Variants in DRC8 observed in about 807,000 individuals in gnomAD.
DRC8 encodes dynein regulatory complex subunit 8.
chr1:245,096,915 A>G, the DRC8 span, among the ~76,000 whole-genome samples: 2 of 152,244 alleles, frequency 1.3e-5, no homozygotes, highest in Non-Finnish European at 2.9e-5. Context: ...GACAGAAATC[A>G]TAGCTACCTT....
At chr1:245,058,299 A>C in the DRC8 span, among the ~76,000 whole-genome samples, 1 of 152,100 alleles carries the variant, frequency 6.6e-6, no homozygotes, top group Non-Finnish European at 1.5e-5. Context: ...AAACAAGAAA[A>C]TGGGAAAAAA....
At chr1:244,999,443 A>C in the DRC8 span, among the ~76,000 whole-genome samples, 8 of 152,040 alleles carry the variant, frequency 5.3e-5, no homozygotes, top group Non-Finnish European at 1.0e-4. Context: ...TAATTTTTCC[A>C]TTTATATTCA....
chr1:244,974,194 T>C, the DRC8 span, among the ~76,000 whole-genome samples: 2 of 152,230 alleles, frequency 1.3e-5, no homozygotes, highest in East Asian at 3.8e-4. Flanking sequence ...GGAGAGTCAA[T>C]GCAATTGTTG....
At chr1:245,022,053 A>G in the DRC8 span, among the ~76,000 whole-genome samples, 2 of 152,290 alleles carry the variant, frequency 1.3e-5, no homozygotes, top group African/African-American at 4.8e-5. Flanking sequence ...TTCCTTGTTA[A>G]ATAGTTTTCG....
At chr1:245,099,632 C>G in the DRC8 span, among the ~76,000 whole-genome samples, 1 of 152,208 alleles carries the variant, frequency 6.6e-6, no homozygotes, top group African/African-American at 2.4e-5. Flanking sequence ...TAATTCTGCC[C>G]CGTTTGCAAG....
chr1:245,019,193 T>C, the DRC8 span, among the ~76,000 whole-genome samples: 1 of 152,014 alleles, frequency 6.6e-6, no homozygotes, highest in Non-Finnish European at 1.5e-5. Flanking sequence ...ACCTAAAGAG[T>C]CTGCTTTGTT....
At chr1:245,004,952 T>A in the DRC8 span, among the ~76,000 whole-genome samples, 3 of 152,248 alleles carry the variant, frequency 2.0e-5, no homozygotes, top group East Asian at 1.9e-4. Context: ...TATGATCAAA[T>A]CACTATTCCT....
the DRC8 span, among the ~76,000 whole-genome samples, chr1:244,998,163 C>G: frequency 6.6e-6 from 1 of 152,118 alleles, no homozygotes; most frequent in Non-Finnish European, 1.5e-5. Flanking sequence ...ACCACCATCT[C>G]CTAATTTCCA....
At chr1:245,051,914 A>AT in the DRC8 span, among the ~76,000 whole-genome samples, 79,813 of 151,176 alleles carry the variant, frequency 0.53, 22,401 homozygotes, top group East Asian at 0.72. Context: ...GGCAAGAGCT[A>AT]TAGGACATTC....
chr1:245,124,901 T>C, the DRC8 span: 1 of 152,238 alleles, frequency 6.6e-6, no homozygotes, highest in Non-Finnish European at 1.5e-5. Context: ...CTCAGGGAGA[T>C]GGATTTGACG....
chr1:245,014,442 T>C, the DRC8 span, among the ~76,000 whole-genome samples: 1 of 152,224 alleles, frequency 6.6e-6, no homozygotes, highest in Non-Finnish European at 1.5e-5. Context: ...AATGAGGTAA[T>C]ATTTATTTGT....
At chr1:244,995,469 C>A in the DRC8 span, among the ~76,000 whole-genome samples, 1 of 152,088 alleles carries the variant, frequency 6.6e-6, no homozygotes, top group Non-Finnish European at 1.5e-5. Flanking sequence ...AGCGATTTTC[C>A]CACCTCACCT....
chr1:245,059,242 C>T, the DRC8 span: 2 of 626,448 alleles, frequency 3.2e-6, no homozygotes, highest in Non-Finnish European at 5.5e-6. Context: ...TTTTCTTTCC[C>T]CAGAAAACAT....
the DRC8 span, chr1:244,970,316 G>GC: frequency 4.9e-6 from 6 of 1,232,116 alleles, no homozygotes; most frequent in South Asian, 4.0e-5. Context: ...ATTCAGAGCG[G>GC]CCCCTCCTCC....
the DRC8 span, among the ~76,000 whole-genome samples, chr1:245,047,550 G>A: frequency 0.5 from 75,660 of 150,136 alleles, 21,138 homozygotes; most frequent in East Asian, 0.73. Context: ...CAGGAGAATC[G>A]CTTGAACCTG....
chr1:244,991,611 CTT>C, the DRC8 span, among the ~76,000 whole-genome samples: 3 of 152,252 alleles, frequency 2.0e-5, no homozygotes, highest in African/African-American at 4.8e-5. Flanking sequence ...TACATTATGA[CTT>C]TTAATCCTCG....
At chr1:244,995,206 C>A in the DRC8 span, among the ~76,000 whole-genome samples, 19 of 152,002 alleles carry the variant, frequency 1.2e-4, no homozygotes, top group African/African-American at 4.6e-4. Context: ...ACTAAAAATA[C>A]AAAAATTAGC....
the DRC8 span, among the ~76,000 whole-genome samples, chr1:245,051,081 G>A: frequency 6.6e-6 from 1 of 151,982 alleles, no homozygotes; most frequent in African/African-American, 2.4e-5. Flanking sequence ...TGTTGTCCAG[G>A]CCACCTTCTG....
At chr1:245,122,150 G>T in the DRC8 span, 1,459 of 236,194 alleles carry the variant, frequency 6.2e-3, 11 homozygotes, top group Middle Eastern at 0.017. Context: ...TGATCCTCCC[G>T]CCTCAGCCTC....
Sources: gnomAD v4.1 joint callset for allele counts (sites outside exome capture counted in the v4.1 genomes callset) on GRCh38, gnomAD v4.1.1 for gene constraint, MANE v1.5 for transcripts, NCBI Gene and HGNC (gene_info 2026-07-23, HGNC 2026-07-21) for gene names.